Variants in CCNY observed in about 807,000 individuals in gnomAD.
CCNY encodes the protein cyclin-Y.
CCNY carries 19 observed loss-of-function variants against 42.8 expected under a neutral mutation model. That is an observed-to-expected ratio of 0.44 (90% CI 0.31 to 0.65). The LOEUF is 0.65. Ranked by LOEUF, CCNY falls within the 30% of genes least tolerant of loss-of-function variation. CCNY has a pLI of 0.07. For synonymous variants in CCNY, 165 were observed against 162.7 expected (o/e 1.01, Z -0.11); for missense variants, 370 against 437.3 (o/e 0.85, Z 1.37).
chr10:35,512,783 TGG>T (rs1185078358), intron 3 of CCNY, among the ~76,000 whole-genome samples: 7 of 151,916 alleles, frequency 4.6e-5, no homozygotes, highest in Non-Finnish European at 1.0e-4. Flanking sequence ...AAACTCCCTG[TGG>T]GGAGCTCAGC....
At chr10:35,325,597 T>C (rs190636803) in intron 3 of CCNY, among the ~76,000 whole-genome samples, 429 of 151,366 alleles carry the variant, frequency 2.8e-3, no homozygotes, top group Middle Eastern at 0.014. Flanking sequence ...GCCTCCCGAG[T>C]AGCTGGGATT....
At chr10:35,273,132 T>C (rs892803625) in intron 3 of CCNY, among the ~76,000 whole-genome samples, 23 of 152,090 alleles carry the variant, frequency 1.5e-4, no homozygotes, top group Non-Finnish European at 3.1e-4. Context: ...TTTCCCGTTC[T>C]CCTAAATGCC....
chr10:35,439,672 A>G (rs1291696096), intron 1 of CCNY, among the ~76,000 whole-genome samples: 1 of 150,114 alleles, frequency 6.7e-6, no homozygotes, highest in Non-Finnish European at 1.5e-5. Flanking sequence ...TTCATTTCGT[A>G]CAGCTTGAGA....
rs1481861167 is a variant in CCNY, at chr10:35,365,518, A to T, written c.154+28311A>T. Among the ~76,000 whole-genome samples, 3 of 152,334 alleles carry T rather than the reference A, an allele frequency of 2.0e-5. No individual in the cohort carries two copies. The East Asian group carries it at 5.8e-4, about 29-fold the overall frequency. On this transcript the variant is annotated intron_variant, in intron 1 of 9. Transcript: ENST00000374704. Reference sequence around the variant, plus strand: ...ATAAACAGCAAGAGCTAAAGTTCTCATTTATTTGTATGTTACCTGCTCCTG... The same window carrying T: ...ATAAACAGCAAGAGCTAAAGTTCTCTTTTATTTGTATGTTACCTGCTCCTG...
At chr10:35,563,964 C>T (rs573104372) in intron 8 of CCNY, among the ~76,000 whole-genome samples, 11 of 151,956 alleles carry the variant, frequency 7.2e-5, no homozygotes, top group African/African-American at 2.4e-4. Context: ...TCAACCTCCA[C>T]CTCCCGGGTT....
intron 3 of CCNY, 38 bp downstream of exon 3, chr10:35,501,573 T>A: frequency 6.4e-7 from 1 of 1,572,864 alleles, no homozygotes; most frequent in Non-Finnish European, 8.8e-7. Context: ...TCATAATGAC[T>A]GTACAGTGTA....
chr10:35,519,105 G>T, intron 4 of CCNY, among the ~76,000 whole-genome samples: 2 of 143,128 alleles, frequency 1.4e-5, no homozygotes, highest in South Asian at 2.4e-4. Flanking sequence ...GCTGAGGTAT[G>T]CTGTGAGTAT....
chr10:35,291,851 T>C (rs1251944588), intron 3 of CCNY, among the ~76,000 whole-genome samples: 1 of 152,128 alleles, frequency 6.6e-6, no homozygotes, highest in African/African-American at 2.4e-5. Context: ...TGACTTTTTG[T>C]GTGGACTAAG....
chr10:35,256,830 A>G (rs1392212083), intron 3 of CCNY, among the ~76,000 whole-genome samples: 1 of 152,020 alleles, frequency 6.6e-6, no homozygotes, highest in East Asian at 1.9e-4. Flanking sequence ...CATGTTTATA[A>G]TGTGCTGCCC....
chr10:35,390,447 A>G (rs987618793), intron 1 of CCNY, among the ~76,000 whole-genome samples: 3 of 152,238 alleles, frequency 2.0e-5, no homozygotes, highest in Non-Finnish European at 2.9e-5. Context: ...TTTTTATATC[A>G]AAGCTAGCCC....
At chr10:35,310,054 C>G (rs1349298479) in intron 3 of CCNY, among the ~76,000 whole-genome samples, 1 of 152,200 alleles carries the variant, frequency 6.6e-6, no homozygotes, top group African/African-American at 2.4e-5. Context: ...CCCGCCTCAG[C>G]CTCCCAAAGT....
At chr10:35,347,372 TG>T in intron 1 of CCNY, 1 of 825,246 alleles carries the variant, frequency 1.2e-6, no homozygotes, top group Non-Finnish European at 1.5e-6. Flanking sequence ...CCCAGTTGGG[TG>T]GTGAAATGCA....
chr10:35,340,447 C>T (rs978818027), intron 1 of CCNY, among the ~76,000 whole-genome samples: 6 of 151,524 alleles, frequency 4.0e-5, no homozygotes, highest in Non-Finnish European at 8.8e-5. Context: ...CTTGTAACAG[C>T]TGTACCATAG....
chr10:35,455,480 G>A, intron 1 of CCNY: 1 of 152,400 alleles, frequency 6.6e-6, no homozygotes, highest in Non-Finnish European at 1.5e-5. Flanking sequence ...TGGCTTGGTG[G>A]GAGGTGGTGG....
intron 2 of CCNY, among the ~76,000 whole-genome samples, chr10:35,494,063 A>G (rs1187649883): frequency 1.3e-5 from 2 of 152,260 alleles, no homozygotes; most frequent in South Asian, 2.1e-4. Flanking sequence ...GCCCAGTCCC[A>G]TCTTTTTCTG....
chr10:35,312,221 C>A (rs1312793007), intron 3 of CCNY, among the ~76,000 whole-genome samples: 1 of 151,224 alleles, frequency 6.6e-6, no homozygotes, highest in Non-Finnish European at 1.5e-5. Flanking sequence ...ACTAAAAACA[C>A]AAAAACAAAA....
chr10:35,348,577 G>A (rs1420762137), intron 1 of CCNY, among the ~76,000 whole-genome samples: 1 of 152,258 alleles, frequency 6.6e-6, no homozygotes, highest in Admixed American at 6.5e-5. Context: ...TGTAAGATGT[G>A]AGCAGAGAAT....
intron 3 of CCNY, among the ~76,000 whole-genome samples, chr10:35,305,543 G>A (rs1426081704): frequency 6.6e-6 from 1 of 152,198 alleles, no homozygotes; most frequent in East Asian, 1.9e-4. Context: ...GCATATAATT[G>A]TGTCAGAGCT....
chr10:35,552,739 G>GT (rs1413568749), intron 7 of CCNY, among the ~76,000 whole-genome samples: 1 of 152,208 alleles, frequency 6.6e-6, no homozygotes, highest in Non-Finnish European at 1.5e-5. Flanking sequence ...GGATATCACA[G>GT]TTGATAGAGT....
Sources: allele counts gnomAD v4.1 joint callset (sites outside exome capture counted in the v4.1 genomes callset), GRCh38; gene constraint gnomAD v4.1.1; transcripts MANE v1.5; gene names NCBI Gene and HGNC (gene_info 2026-07-23, HGNC 2026-07-21).